The following TCEA3 variants were observed in gnomAD, a reference collection of about 807,000 sequenced individuals.
The protein encoded by TCEA3 is transcription elongation factor A protein 3.
In TCEA3, 36 loss-of-function variants were observed where a neutral mutation model predicts 44.0. The observed-to-expected ratio is 0.82, with a 90% CI of 0.63 to 1.08. The LOEUF (loss-of-function observed/expected upper bound fraction) is 1.08, where lower values mean the gene tolerates loss of function less well. TCEA3 is among the 50% of genes least tolerant of loss of function. The probability of loss-of-function intolerance (pLI) is 0.00; values close to 1 mark genes in which losing one functional copy is unlikely to be tolerated. For missense variants in TCEA3, 392 were observed against 441.2 expected, an observed-to-expected ratio of 0.89 and a Z score of 1.00; for synonymous variants, 162 against 159.7, an observed-to-expected ratio of 1.01 and a Z score of -0.11.
chr1:23,394,124 C>G (rs993937149), intron 7 of TCEA3, 91 bp from the exon 8 acceptor site: 1 of 1,469,286 alleles, frequency 6.8e-7, no homozygotes, highest in African/African-American at 1.4e-5. Context: ...AGAACCCTTT[C>G]TTCCTCTCCT....
intron 5 of TCEA3, among the ~76,000 whole-genome samples, chr1:23,401,188 C>T (rs1639385395): frequency 6.6e-6 from 1 of 152,120 alleles, no homozygotes; most frequent in African/African-American, 2.4e-5. Context: ...CACCCCAGAC[C>T]CCTGGACCTT....
At chr1:23,424,460 G>T in intron 1 of TCEA3, 105 bp downstream of exon 1, 3 of 1,046,086 alleles carry the variant, frequency 2.9e-6, no homozygotes, top group Non-Finnish European at 4.2e-6. Flanking sequence ...CCCGAGTCCC[G>T]TACGCGCCCC....
At chr1:23,393,444 C>T (rs1432047161) in intron 8 of TCEA3, among the ~76,000 whole-genome samples, 1 of 151,946 alleles carries the variant, frequency 6.6e-6, no homozygotes, top group Non-Finnish European at 1.5e-5. Context: ...CTCTACACAC[C>T]TCACACATCA....
chr1:23,424,681 G>C lies in TCEA3; in HGVS notation c.-48C>G, dbSNP rs762971702. ...GGCGAGGGGCACAGGGGCAGCAGTA[G>C]GGCCTCGGGGGCAGGAGGCGCGAAG... On this transcript the variant is annotated 5_prime_UTR_variant, in exon 1 of 11. Coordinates refer to ENST00000450454, the MANE Select transcript of TCEA3 (RefSeq NM_003196.3). The C allele has an allele frequency of 6.8e-7, 1 of 1,470,244 alleles. No individual in the cohort carries two copies. Among genetic ancestry groups the C allele is most frequent in the Non-Finnish European group, 9.3e-7 (1 of 1,072,122 alleles). 91.1% of individuals were successfully genotyped at this position (1,470,244 alleles called of 1,614,324 possible).
intron 8 of TCEA3, among the ~76,000 whole-genome samples, 194 bp from the exon 9 acceptor site, chr1:23,387,613 C>T (rs1030849174): frequency 2.6e-5 from 4 of 152,340 alleles, no homozygotes; most frequent in Non-Finnish European, 2.9e-5. Flanking sequence ...CTGCCGCCCA[C>T]GGCTGGAAGG....
intron 4 of TCEA3, among the ~76,000 whole-genome samples, chr1:23,413,321 T>C (rs1639790606): frequency 6.6e-6 from 1 of 151,722 alleles, no homozygotes; most frequent in African/African-American, 2.4e-5. Flanking sequence ...TTACTTTTAA[T>C]AGAGATAGGG....
chr1:23,385,453 C>A (rs1452665750), intron 9 of TCEA3, among the ~76,000 whole-genome samples: 1 of 152,200 alleles, frequency 6.6e-6, no homozygotes, highest in Non-Finnish European at 1.5e-5. Context: ...CATCACTCCA[C>A]ACGGAAAGGT....
chr1:23,417,593 A>G (rs1570291166), intron 3 of TCEA3, among the ~76,000 whole-genome samples: 1 of 152,254 alleles, frequency 6.6e-6, no homozygotes, highest in Non-Finnish European at 1.5e-5. Flanking sequence ...GGACATTAAT[A>G]CATTGGCAAA....
At chr1:23,411,230 C>T (rs1040337380) in intron 4 of TCEA3, 1 of 152,220 alleles carries the variant, frequency 6.6e-6, no homozygotes, top group African/African-American at 2.4e-5. Flanking sequence ...CATCTTGGCT[C>T]ACTGCAACCT....
At chr1:23,404,667 T>C (rs1639491355) in intron 5 of TCEA3, among the ~76,000 whole-genome samples, 6 of 152,054 alleles carry the variant, frequency 3.9e-5, no homozygotes, top group South Asian at 2.1e-4. Context: ...TACTGAAAAC[T>C]GGGAGTTTTG....
chr1:23,422,480 A>C (rs1277779011), intron 1 of TCEA3, among the ~76,000 whole-genome samples: 2 of 152,214 alleles, frequency 1.3e-5, no homozygotes, highest in African/African-American at 4.8e-5. Flanking sequence ...AGCAACCGGC[A>C]GTAAACCCCG....
chr1:23,389,526 T>C (rs1638958766), intron 8 of TCEA3, among the ~76,000 whole-genome samples: 1 of 148,706 alleles, frequency 6.7e-6, no homozygotes, highest in East Asian at 2.0e-4. Context: ...GGTGCATGCC[T>C]GTAATCTCAG....
At chr1:23,383,643 AC>A in intron 10 of TCEA3, 1 of 985,446 alleles carries the variant, frequency 1.0e-6, no homozygotes, top group African/African-American at 1.7e-5. Context: ...CTTTTGGAGC[AC>A]CTGCAGCCTG....
chr1:23,383,691 T>A lies in TCEA3; in HGVS notation c.1038+655A>T, dbSNP rs116550780. 4.0e-4 allele frequency: 391 copies of A among 985,428 alleles called. 3 individuals are homozygous for A. In the African/African-American group the frequency reaches 6.3e-3, roughly 16 times the overall value. 61.0% of individuals were successfully genotyped at this position (985,428 alleles called of 1,614,324 possible). A position where few individuals can be genotyped will look rare whatever the true frequency, so the allele number is the denominator to read the frequency against. On this transcript the variant is annotated intron_variant, in intron 10 of 10. Coordinates refer to ENST00000450454, the MANE Select transcript of TCEA3 (RefSeq NM_003196.3). ...AGACATCACATGGTGCACATGCAAG[T>A]CAGAGAGCAGTTGGAAACTGACAAT...
intron 1 of TCEA3, among the ~76,000 whole-genome samples, chr1:23,420,176 T>TGG (rs1640014733): frequency 1.3e-5 from 2 of 152,246 alleles, no homozygotes; most frequent in Admixed American, 1.3e-4. Context: ...GACTCATCCA[T>TGG]GTTGTCTCGT....
At chr1:23,391,500 T>G (rs191561620) in intron 8 of TCEA3, among the ~76,000 whole-genome samples, 1 of 152,058 alleles carries the variant, frequency 6.6e-6, no homozygotes, top group Non-Finnish European at 1.5e-5. Flanking sequence ...GCTCCTCTAA[T>G]AGGGGCCTGA....
intron 4 of TCEA3, among the ~76,000 whole-genome samples, chr1:23,410,145 T>C (rs1230723379): frequency 1.3e-5 from 2 of 151,740 alleles, no homozygotes; most frequent in Non-Finnish European, 2.9e-5. Context: ...GGAAGAGAGG[T>C]CCTCATTCAC....
chr1:23,392,549 T>TCATACACAC (rs1558031063), intron 8 of TCEA3, among the ~76,000 whole-genome samples: 1 of 1,422 alleles, frequency 7.0e-4, no homozygotes, highest in Admixed American at 6.3e-3. Flanking sequence ...ACACGCCACA[T>TCATACACAC]ACACTCCACA....
chr1:23,422,391 C>T (rs1640091491), intron 1 of TCEA3, among the ~76,000 whole-genome samples: 2 of 152,192 alleles, frequency 1.3e-5, no homozygotes, highest in Non-Finnish European at 2.9e-5. Context: ...TGACCGTAGG[C>T]ACTTGGTTGC....
Sources: gnomAD v4.1 joint callset for allele counts (sites outside exome capture counted in the v4.1 genomes callset) on GRCh38, gnomAD v4.1.1 for gene constraint, MANE v1.5 for transcripts, NCBI Gene and HGNC (gene_info 2026-07-23, HGNC 2026-07-21) for gene names.